TNFRSF19: variants seen among roughly 807,000 people sequenced by gnomAD.
The protein encoded by TNFRSF19 is tumor necrosis factor receptor superfamily member 19.
In TNFRSF19, 27 loss-of-function variants were observed where a neutral mutation model predicts 46.4. The ratio of observed to expected loss-of-function variants is 0.58; its 90% CI spans 0.43 to 0.80. The LOEUF is 0.80. Among genes scored for constraint, TNFRSF19 ranks in the 30% least tolerant of loss-of-function variants. TNFRSF19 has a pLI of 0.00. For synonymous variants in TNFRSF19, 204 were observed against 205.0 expected, an observed-to-expected ratio of 1.00 and a Z score of 0.04; for missense variants, 511 against 530.8, an observed-to-expected ratio of 0.96 and a Z score of 0.37.
At chr13:23,634,812 G>A (rs962008384) in intron 5 of TNFRSF19, among the ~76,000 whole-genome samples, 3 of 152,152 alleles carry the variant, frequency 2.0e-5, no homozygotes, top group Admixed American at 2.0e-4. Context: ...TTGGGTTCAC[G>A]GTCTAAGGAA....
intron 5 of TNFRSF19, among the ~76,000 whole-genome samples, chr13:23,629,533 G>A (rs1697009782): frequency 6.6e-6 from 1 of 152,188 alleles, no homozygotes; most frequent in Admixed American, 6.5e-5. Context: ...GTCTTCCCTT[G>A]TGAAATGGAG....
At chr13:23,596,946 A>T (rs76419931) in intron 3 of TNFRSF19, among the ~76,000 whole-genome samples, 1 of 152,212 alleles carries the variant, frequency 6.6e-6, no homozygotes, top group Non-Finnish European at 1.5e-5. Context: ...TGAGAAACTC[A>T]CTCAAAGCCG....
In TNFRSF19 at chr13:23,659,429, C is replaced by T. The variant is rs1229560096; in HGVS notation, c.610+215C>T. 6.6e-6 allele frequency among the ~76,000 whole-genome samples: 1 copy of T among 152,174 alleles called. No individual in the cohort carries two copies. The highest frequency in any genetic ancestry group is 1.9e-4 in the East Asian group (1 of 5,198). On this transcript the variant is annotated intron_variant, in intron 6 of 9. Coordinates refer to ENST00000248484, the MANE Select transcript of TNFRSF19 (RefSeq NM_148957.4). This position sits in a 1 kb window ranked among gnomAD's most constrained non-coding sequence, Gnocchi z 4.9. ...CAGTGTTGACTCCCCAAAAACTTAACTACTAATAGCCTATTGTTGACGGGA... is the reference window on the plus strand; with the variant it reads ...CAGTGTTGACTCCCCAAAAACTTAATTACTAATAGCCTATTGTTGACGGGA...
chr13:23,587,123 C>T (rs1284164040), intron 1 of TNFRSF19, among the ~76,000 whole-genome samples: 1 of 151,962 alleles, frequency 6.6e-6, no homozygotes, highest in African/African-American at 2.4e-5. Flanking sequence ...AAATAGAACA[C>T]TGAAGCATAT....
chr13:23,578,821 T>G (rs966467076), intron 1 of TNFRSF19, among the ~76,000 whole-genome samples: 3 of 152,228 alleles, frequency 2.0e-5, no homozygotes, highest in Non-Finnish European at 4.4e-5. Flanking sequence ...GCCCTTCCGC[T>G]GCGAGGGTGC....
intron 5 of TNFRSF19, among the ~76,000 whole-genome samples, chr13:23,657,875 G>T (rs1389237579): frequency 6.6e-6 from 1 of 152,040 alleles, no homozygotes; most frequent in Non-Finnish European, 1.5e-5. Context: ...TTTAAATGTG[G>T]TTCCTAGACA....
At chr13:23,664,775 C>T (rs965191027) in intron 7 of TNFRSF19, among the ~76,000 whole-genome samples, 2 of 152,232 alleles carry the variant, frequency 1.3e-5, no homozygotes, top group East Asian at 3.8e-4. Flanking sequence ...TAGCCTACTA[C>T]AGAGCTAGGC....
At chr13:23,657,179 G>A (rs1239981460) in intron 5 of TNFRSF19, among the ~76,000 whole-genome samples, 1 of 152,168 alleles carries the variant, frequency 6.6e-6, no homozygotes, top group Non-Finnish European at 1.5e-5. Context: ...GGCAATAAGA[G>A]ACTTTTATAT....
intron 5 of TNFRSF19, among the ~76,000 whole-genome samples, chr13:23,627,572 C>T (rs548306268): frequency 2.4e-4 from 37 of 152,296 alleles, no homozygotes; most frequent in African/African-American, 7.2e-4. Flanking sequence ...TGGCAGAGCA[C>T]GCTTGTCTGT....
intron 1 of TNFRSF19, among the ~76,000 whole-genome samples, chr13:23,586,042 G>A (rs969389346): frequency 2.0e-5 from 3 of 151,916 alleles, no homozygotes; most frequent in South Asian, 2.1e-4. Context: ...AGGCCGAGGC[G>A]GGCGGATCAC....
chr13:23,598,633 T>G (rs1451232412), intron 3 of TNFRSF19, among the ~76,000 whole-genome samples: 4 of 152,198 alleles, frequency 2.6e-5, no homozygotes, highest in African/African-American at 7.2e-5. Context: ...ACTTTAAATA[T>G]ATTCATTTCA....
chr13:23,631,644 T>G (rs1882369762), intron 5 of TNFRSF19, among the ~76,000 whole-genome samples: 1 of 152,232 alleles, frequency 6.6e-6, no homozygotes, highest in Non-Finnish European at 1.5e-5. Flanking sequence ...GAGTGCCTGG[T>G]AAGTAAGAGT....
At chr13:23,637,236 C>G (rs1882747909) in intron 5 of TNFRSF19, among the ~76,000 whole-genome samples, 2 of 152,194 alleles carry the variant, frequency 1.3e-5, no homozygotes, top group African/African-American at 4.8e-5. Flanking sequence ...ATAACTATCT[C>G]AGTTGATATC....
chr13:23,671,803 A>T (rs1565958631), intron 9 of TNFRSF19, among the ~76,000 whole-genome samples: 1 of 152,208 alleles, frequency 6.6e-6, no homozygotes, highest in African/African-American at 2.4e-5. Context: ...GGCTGCAGTG[A>T]GCTAGGATCA....
At chr13:23,648,765 A>G (rs138643404) in intron 5 of TNFRSF19, among the ~76,000 whole-genome samples, 2 of 152,210 alleles carry the variant, frequency 1.3e-5, no homozygotes, top group African/African-American at 4.8e-5. Context: ...GAAGTTTCCT[A>G]GTTCATTGAG....
chr13:23,669,190 A>AT, intron 9 of TNFRSF19, 93 bp downstream of exon 9: 1 of 1,462,102 alleles, frequency 6.8e-7, no homozygotes, highest in Non-Finnish European at 9.0e-7. Context: ...GAACCTGATG[A>AT]GTTTTTTTTT....
At chr13:23,645,449 G>A (rs1013069661) in intron 5 of TNFRSF19, among the ~76,000 whole-genome samples, 6 of 152,070 alleles carry the variant, frequency 3.9e-5, no homozygotes, top group Non-Finnish European at 5.9e-5. Flanking sequence ...TGATCTTACC[G>A]CCTTGGCCTC....
chr13:23,617,961 TG>T (rs1881417064), intron 4 of TNFRSF19, among the ~76,000 whole-genome samples: 1 of 151,778 alleles, frequency 6.6e-6, no homozygotes, highest in Non-Finnish European at 1.5e-5. Context: ...GTCCCGGGGG[TG>T]GGGTCTTGTT....
rs1483573773 is a variant in TNFRSF19, at chr13:23,668,014, G to T, written c.771G>T (p.Glu257Asp). Residue 257 changes from glutamate to aspartate, a missense_variant, in exon 8 of 10, where the codon GAG (glutamate) becomes GAT (aspartate). Glu to Asp is a conservative substitution (Grantham distance 45). This residue lies in a region of TNFRSF19 where 376 missense variants were observed against 372.7 expected (regional missense o/e 1.01). Transcript: ENST00000248484. ...GCTTGCTCCCATCCATGTGCTGTGA[G>T]GAGGCCTGCAGCCCCAACCCGGCGA... is the stretch of plus-strand genomic sequence containing the variant. ...PVRLLPSMCC[E>D]EACSPNPATL... 2 of 1,610,314 alleles carry T rather than the reference G, an allele frequency of 1.2e-6. No homozygotes were observed. The highest frequency in any genetic ancestry group is 2.2e-5 in the South Asian group (2 of 89,734).
Sources: gnomAD v4.1 joint callset for allele counts (sites outside exome capture counted in the v4.1 genomes callset) on GRCh38, gnomAD v4.1.1 for gene constraint, gnomAD v4.1.1 regional missense constraint, Gnocchi (gnomAD v3.1) non-coding constraint, MANE v1.5 for transcripts, NCBI Gene and HGNC (gene_info 2026-07-23, HGNC 2026-07-21) for gene names.